ABCB7: variants seen among roughly 807,000 people sequenced by gnomAD.
ABCB7 encodes the protein iron-sulfur clusters transporter ABCB7, mitochondrial.
In ABCB7, 7 loss-of-function variants were observed where a neutral mutation model predicts 54.4. That is an observed-to-expected ratio of 0.13 (90% CI 0.07 to 0.24). The LOEUF is 0.24. Among genes scored for constraint, ABCB7 ranks in the 10% least tolerant of loss-of-function variants. The pLI, the probability that ABCB7 is intolerant of heterozygous loss-of-function variation, is 1.00. For missense variants in ABCB7, 356 were observed against 570.4 expected, an observed-to-expected ratio of 0.62 and a Z score of 3.83; for synonymous variants, 218 against 207.1, an observed-to-expected ratio of 1.05 and a Z score of -0.45.
At chrX:75,115,350 T>C (rs2081804397) in intron 1 of ABCB7, among the ~76,000 whole-genome samples, 1 of 99,676 alleles carries the variant, frequency 1.0e-5, no homozygotes, top group African/African-American at 3.7e-5. Flanking sequence ...GTATTACCCA[T>C]TATAAATGTC....
In ABCB7 at chrX:75,114,749, C is replaced by T; in HGVS notation, c.246+5G>A. On this transcript the variant is annotated splice_donor_5th_base_variant and intron_variant, in intron 2 of 15. Coordinates refer to ENST00000373394, the MANE Select transcript of ABCB7 (RefSeq NM_001271696.3). ...CTATATGTAGACATGTTTGCTCAAT[C>T]TTACCTTTGCAGCATCTAAGAACTG... 8.4e-7 allele frequency: 1 copy of T among 1,195,937 alleles called. No individual in the cohort carries two copies. The highest frequency in any genetic ancestry group is 3.0e-5 in the East Asian group (1 of 32,861).
At chrX:75,138,976 T>C (rs1221242785) in intron 1 of ABCB7, among the ~76,000 whole-genome samples, 2 of 93,223 alleles carry the variant, frequency 2.1e-5, no homozygotes, top group Non-Finnish European at 4.1e-5. Context: ...CCACTGCACG[T>C]CAGCAGGGCG....
At chrX:75,112,756 T>A (rs2081772742) in intron 3 of ABCB7, 130 bp downstream of exon 3, 2 of 513,832 alleles carry the variant, frequency 3.9e-6, no homozygotes, top group Admixed American at 3.2e-5. Flanking sequence ...ATATGTTTTT[T>A]TTTTCATTAG....
intron 4 of ABCB7, chrX:75,097,536 ACT>A (rs1400982716): frequency 8.9e-6 from 1 of 111,882 alleles, no homozygotes; most frequent in Non-Finnish European, 1.9e-5. Flanking sequence ...ATATCTGAAC[ACT>A]CTGCAATGCC....
At chrX:75,146,088 G>C (rs1569249759) in intron 1 of ABCB7, among the ~76,000 whole-genome samples, 1 of 110,906 alleles carries the variant, frequency 9.0e-6, no homozygotes, top group African/African-American at 3.3e-5. Context: ...AAAATACCTA[G>C]GAATACAGCT....
chrX:75,153,278 A>T lies in ABCB7; in HGVS notation c.168+2827T>A, dbSNP rs779682183. Among the ~76,000 whole-genome samples the T allele has an allele frequency of 2.7e-5, 3 of 110,851 alleles. No individual in the cohort carries two copies. In the East Asian group the frequency reaches 8.5e-4, roughly 32 times the overall value. On this transcript the variant is annotated intron_variant, in intron 1 of 15. Coordinates refer to ENST00000373394, the MANE Select transcript of ABCB7 (RefSeq NM_001271696.3). ...GTATTTTTAGTACAGACGAGGTTTCACCATGTTAGCCAGGATGAATAAGTT... is the reference window on the plus strand; with the variant it reads ...GTATTTTTAGTACAGACGAGGTTTCTCCATGTTAGCCAGGATGAATAAGTT...
Position 75,075,473 on chromosome X carries a change from A to C in ABCB7, c.744T>G (p.Ala248=). 8.3e-7 allele frequency: 1 copy of C among 1,211,405 alleles called. No homozygotes were observed. The highest frequency in any genetic ancestry group is 1.1e-6 in the Non-Finnish European group (1 of 895,260). The change falls in exon 6 of 16, where the codon GCT becomes GCG. Residue 248 remains alanine, a synonymous_variant. Transcript: ENST00000373394. ...LGFHLSRQTG[A]LSKAIDRGTR... ...TTCCTCTGTCAATAGCCTTAGATAA[A>C]GCTCCCGTCTGTCTGCTCAGGTGAA...
At chrX:75,133,331 T>C (rs961119293) in intron 1 of ABCB7, among the ~76,000 whole-genome samples, 2 of 111,875 alleles carry the variant, frequency 1.8e-5, no homozygotes, top group African/African-American at 6.5e-5. Context: ...TGGTATTAAG[T>C]AAACAGACCA....
chrX:75,078,416 C>T (rs1444591941), intron 4 of ABCB7, among the ~76,000 whole-genome samples: 2 of 110,964 alleles, frequency 1.8e-5, no homozygotes, highest in African/African-American at 3.3e-5. Flanking sequence ...TATTTCCATC[C>T]TTTTTGCATA....
At chrX:75,115,842 G>A in intron 1 of ABCB7, among the ~76,000 whole-genome samples, 1 of 108,667 alleles carries the variant, frequency 9.2e-6, no homozygotes, top group Non-Finnish European at 1.9e-5. Flanking sequence ...TCTTCCCTTT[G>A]GAGTTCAGAA....
intron 8 of ABCB7, among the ~76,000 whole-genome samples, chrX:75,073,177 G>GTAGAAGGCGTACACTCTAAAATAATGAT (rs1160585936): frequency 1.4e-4 from 16 of 111,350 alleles, no homozygotes; most frequent in African/African-American, 5.2e-4. Flanking sequence ...GTTTTTAGAA[G>GTAGAAGGCGTACACTCTAAAATAATGAT]TAGAAGGCGT....
At chrX:75,064,702 T>C (rs1047427619) in intron 13 of ABCB7, among the ~76,000 whole-genome samples, 4 of 111,469 alleles carry the variant, frequency 3.6e-5, no homozygotes, top group Non-Finnish European at 7.5e-5. Context: ...CACTATTCGT[T>C]ATCAAATTAC....
chrX:75,106,685 T>A (rs1338133393), intron 3 of ABCB7, among the ~76,000 whole-genome samples: 1 of 111,835 alleles, frequency 8.9e-6, no homozygotes, highest in East Asian at 2.8e-4. Context: ...AAAAGACACC[T>A]GCACTCATAT....
chrX:75,127,344 G>A (rs1463024643), intron 1 of ABCB7, among the ~76,000 whole-genome samples: 2 of 111,369 alleles, frequency 1.8e-5, no homozygotes, highest in East Asian at 2.8e-4. Context: ...AAACACCTTC[G>A]ATAAAATTCA....
intron 15 of ABCB7, among the ~76,000 whole-genome samples, chrX:75,054,429 A>T (rs747463943): frequency 6.3e-5 from 7 of 111,785 alleles, no homozygotes; most frequent in Non-Finnish European, 1.3e-4. Context: ...ATACTCTCCT[A>T]ATAACATCAG....
Position 75,146,313 on chromosome X carries a change from C to T in ABCB7, c.168+9792G>A, listed in dbSNP as rs2082090476. Among the ~76,000 whole-genome samples the T allele has an allele frequency of 2.7e-5, 3 of 111,937 alleles. No homozygotes were observed. The South Asian group carries it at 1.1e-3, about 42-fold the overall frequency. On this transcript the variant is annotated intron_variant, in intron 1 of 15. Transcript: ENST00000373394. ...TTGACATTGTTCACAGAACTAGAGA[C>T]AACTATTTTAAAATCCAAATGGAAA...
rs1230684393 is a variant in ABCB7, at chrX:75,051,538, GAGA to G, written c.*1829_*1831del. On this transcript the variant is annotated 3_prime_UTR_variant, in exon 16 of 16. Coordinates refer to ENST00000373394, the MANE Select transcript of ABCB7 (RefSeq NM_001271696.3). ...ATGAAAGCAAGTTCATACTGGAAAA[GAGA>G]AGAACTTTCTAAGTGAATGTATAGC... is the stretch of plus-strand genomic sequence containing the variant. The G allele has an allele frequency of 8.9e-6, 1 of 112,360 alleles. No homozygotes were observed. The highest frequency in any genetic ancestry group is 1.9e-5 in the Non-Finnish European group (1 of 53,225). 9.3% of individuals were successfully genotyped at this position (112,360 alleles called of 1,213,427 possible).
intron 4 of ABCB7, among the ~76,000 whole-genome samples, chrX:75,089,058 C>A (rs2081524237): frequency 9.0e-6 from 1 of 110,684 alleles, no homozygotes; most frequent in African/African-American, 3.3e-5. Flanking sequence ...AAAAACCAAT[C>A]CACCAACCTA....
rs1219141290 is a variant in ABCB7, at chrX:75,100,166, AC to A, written c.334-1106del. On this transcript the variant is annotated intron_variant, in intron 3 of 15. Coordinates refer to ENST00000373394, the MANE Select transcript of ABCB7 (RefSeq NM_001271696.3). ...TTGAATCTATTTCTTTCCATTTCTA[AC>A]CATAAACCTCATCTGAGCTATCATC... 3.6e-5 allele frequency among the ~76,000 whole-genome samples: 4 copies of A among 110,845 alleles called. No homozygotes were observed. The East Asian group carries it at 1.1e-3, about 31-fold the overall frequency.
Sources: gnomAD v4.1 joint callset for allele counts (sites outside exome capture counted in the v4.1 genomes callset) on GRCh38, gnomAD v4.1.1 for gene constraint, MANE v1.5 for transcripts, NCBI Gene and HGNC (gene_info 2026-07-23, HGNC 2026-07-21) for gene names.